Variants in CD58 observed in about 807,000 individuals in gnomAD.
CD58 encodes the protein lymphocyte function-associated antigen 3.
In CD58, 14 loss-of-function variants were observed where a neutral mutation model predicts 27.6. The ratio of observed to expected loss-of-function variants is 0.51; its 90% CI spans 0.34 to 0.79. CD58 has a LOEUF of 0.79. Among genes scored for constraint, CD58 ranks in the 30% least tolerant of loss-of-function variants. CD58 has a pLI of 0.02. For synonymous variants in CD58, 117 were observed against 103.8 expected (o/e 1.13, Z -0.77); for missense variants, 268 against 301.7 (o/e 0.89, Z 0.83).
At position 116,536,667 on chromosome 1, in the gene CD58, TG is replaced by T. The variant is rs1571069894; in HGVS notation, c.365-440del. 6.6e-6 allele frequency among the ~76,000 whole-genome samples: 1 copy of T among 152,204 alleles called. No homozygotes were observed. Among genetic ancestry groups the T allele is most frequent in the African/African-American group, 2.4e-5 (1 of 41,450 alleles). On this transcript the variant is annotated intron_variant, in intron 2 of 5. Transcript: ENST00000369489. This position sits in a 1 kb window ranked among gnomAD's most constrained non-coding sequence, Gnocchi z 5.4. Reference sequence around the variant, plus strand: ...CTTCTCCTTCGCCTTCTGCCATGATTGTAAGTTTCCCGAGGCCTCCCCAGCC... The same window carrying T: ...CTTCTCCTTCGCCTTCTGCCATGATTTAAGTTTCCCGAGGCCTCCCCAGCC...
Position 116,527,868 on chromosome 1 carries a change from T to G in CD58, c.629-5885A>C, listed in dbSNP as rs913950674. Among the ~76,000 whole-genome samples, 1 of 152,312 alleles carries G rather than the reference T, an allele frequency of 6.6e-6. No homozygotes were observed. The highest frequency in any genetic ancestry group is 1.5e-5 in the Non-Finnish European group (1 of 68,032). ...TATTTAAACTGCCAGGCTGAAGTGA[T>G]CCTCCCACCTCAGTCTCCCAAGTAG... On this transcript the variant is annotated intron_variant, in intron 3 of 5. Coordinates refer to ENST00000369489, the MANE Select transcript of CD58 (RefSeq NM_001779.3). This position sits in a 1 kb window ranked among gnomAD's most constrained non-coding sequence, Gnocchi z 4.4.
chr1:116,532,909 G>C lies in CD58; in HGVS notation c.628+3056C>G. 3.0e-6 allele frequency: 3 copies of C among 1,010,052 alleles called. No individual in the cohort carries two copies. Among genetic ancestry groups the C allele is most frequent in the Non-Finnish European group, 4.4e-6 (3 of 675,006 alleles). The allele number at this position is 1,010,052 out of a possible 1,614,324, so 62.6% of individuals were successfully genotyped here. Reference sequence around the variant, plus strand: ...CTACAGGCCCGGAGTCGCGACAGCCGGTCTGCCAGGCGCCCACCTCCACTT... The same window carrying C: ...CTACAGGCCCGGAGTCGCGACAGCCCGTCTGCCAGGCGCCCACCTCCACTT... On this transcript the variant is annotated intron_variant, in intron 3 of 5. Transcript: ENST00000369489. This position sits in a 1 kb window ranked among gnomAD's most constrained non-coding sequence, Gnocchi z 5.1.
At chr1:116,553,019 T>C (rs1476484227) in intron 1 of CD58, among the ~76,000 whole-genome samples, 1 of 152,142 alleles carries the variant, frequency 6.6e-6, no homozygotes, top group African/African-American at 2.4e-5. Context: ...TGTTTAATTT[T>C]TGGGCAAATA....
intron 3 of CD58, 31 bp downstream of exon 3, chr1:116,535,934 G>A: frequency 1.9e-6 from 3 of 1,547,464 alleles, no homozygotes; most frequent in Non-Finnish European, 2.6e-6. Flanking sequence ...TGGTCTGAAA[G>A]CCTCCATGAC....
chr1:116,533,009 C>T (rs1180531371), intron 3 of CD58: 3 of 742,134 alleles, frequency 4.0e-6, no homozygotes, highest in Non-Finnish European at 7.2e-6. Flanking sequence ...CTCATCTTCT[C>T]CCTCCTCATC....
chr1:116,539,826 C>T (rs980558140), intron 2 of CD58, among the ~76,000 whole-genome samples: 3 of 152,166 alleles, frequency 2.0e-5, no homozygotes, highest in African/African-American at 4.8e-5. Context: ...AACAAATATT[C>T]GTTATACCTC....
Position 116,557,123 on chromosome 1 carries a change from G to C in CD58, c.71-12519C>G, listed in dbSNP as rs1658592873. On this transcript the variant is annotated intron_variant, in intron 1 of 5. Coordinates refer to ENST00000369489, the MANE Select transcript of CD58 (RefSeq NM_001779.3). The surrounding 1 kb of genome is among the most constrained non-coding windows in gnomAD (Gnocchi z 5.2). ...GACTTTCAATAAATATCTGTTGAAT[G>C]AATTAACTAAAATGATTAAAATACA... is the stretch of plus-strand genomic sequence containing the variant. Among the ~76,000 whole-genome samples the C allele has an allele frequency of 6.6e-6, 1 of 152,156 alleles. No homozygotes were observed. The highest frequency in any genetic ancestry group is 1.5e-5 in the Non-Finnish European group (1 of 68,024).
rs1415747925 is a variant in CD58, at chr1:116,522,947, T to A, written c.629-964A>T. Among the ~76,000 whole-genome samples the A allele has an allele frequency of 2.6e-5, 4 of 152,168 alleles. No individual in the cohort carries two copies. Among genetic ancestry groups the A allele is most frequent in the Non-Finnish European group, 5.9e-5 (4 of 68,036 alleles). ...TGCCTTAACCTCTCAGTGCCTCCAT[T>A]TTCTCACAGGGTAACTATACTCGAG... On this transcript the variant is annotated intron_variant, in intron 3 of 5. Coordinates refer to ENST00000369489, the MANE Select transcript of CD58 (RefSeq NM_001779.3). The surrounding 1 kb of genome is among the most constrained non-coding windows in gnomAD (Gnocchi z 4.6).
rs1168205917 is a variant in CD58, at chr1:116,534,533, G to A, written c.628+1432C>T. On this transcript the variant is annotated intron_variant, in intron 3 of 5. Coordinates refer to ENST00000369489, the MANE Select transcript of CD58 (RefSeq NM_001779.3). This position sits in a 1 kb window ranked among gnomAD's most constrained non-coding sequence, Gnocchi z 5.3. ...CCTCCTCCGCTGGGCCGCCGGCGAGGAAGCCGCCCGCAGCGCAGAACAAAG... is the reference window on the plus strand; with the variant it reads ...CCTCCTCCGCTGGGCCGCCGGCGAGAAAGCCGCCCGCAGCGCAGAACAAAG... Among the ~76,000 whole-genome samples, 1 of 152,164 alleles carries A rather than the reference G, an allele frequency of 6.6e-6. No homozygotes were observed. The highest frequency in any genetic ancestry group is 2.4e-5 in the African/African-American group (1 of 41,452).
rs1557831032 is a variant in CD58 at position 116,517,771 on chromosome 1, G to A, written c.743+1460C>T. On this transcript the variant is annotated intron_variant, in intron 5 of 5. Coordinates refer to ENST00000369489, the MANE Select transcript of CD58 (RefSeq NM_001779.3). The surrounding 1 kb of genome is among the most constrained non-coding windows in gnomAD (Gnocchi z 6.5). ...GCATCAATTACTGTCCAGATGAAGAGGCGCCCCAATCCGTAACTCTAGCGT... is the reference window on the plus strand; with the variant it reads ...GCATCAATTACTGTCCAGATGAAGAAGCGCCCCAATCCGTAACTCTAGCGT... Among the ~76,000 whole-genome samples the A allele has an allele frequency of 6.6e-6, 1 of 152,126 alleles. No individual in the cohort carries two copies. The highest frequency in any genetic ancestry group is 2.4e-5 in the African/African-American group (1 of 41,420).
intron 1 of CD58, among the ~76,000 whole-genome samples, chr1:116,549,482 C>A (rs997666277): frequency 1.3e-5 from 2 of 152,062 alleles, no homozygotes; most frequent in African/African-American, 4.8e-5. Flanking sequence ...CACAGCCAGC[C>A]CTTGCAAGGC....
chr1:116,560,346 G>A lies in CD58; in HGVS notation c.70+10557C>T, dbSNP rs78578385. 5.8e-4 allele frequency among the ~76,000 whole-genome samples: 88 copies of A among 152,084 alleles called. 1 individual carries two copies. The highest frequency in any genetic ancestry group is 6.8e-3 in the Middle Eastern group (2 of 292). On this transcript the variant is annotated intron_variant, in intron 1 of 5. Coordinates refer to ENST00000369489, the MANE Select transcript of CD58 (RefSeq NM_001779.3). ...TAGGGAATAAGGTTCTTACTAGATC[G>A]GTTAAGGCTGTGAGTGTTTTTAAAT...
At position 116,531,424 on chromosome 1, in the gene CD58, C is replaced by T. The variant is rs1657601160; in HGVS notation, c.628+4541G>A. Among the ~76,000 whole-genome samples, 1 of 152,238 alleles carries T rather than the reference C, an allele frequency of 6.6e-6. No homozygotes were observed. Among genetic ancestry groups the T allele is most frequent in the African/African-American group, 2.4e-5 (1 of 41,458 alleles). On this transcript the variant is annotated intron_variant, in intron 3 of 5. Transcript: ENST00000369489. The surrounding 1 kb of genome is among the most constrained non-coding windows in gnomAD (Gnocchi z 4.5). ...CTTCCCCCTTGTCAGTTAGATGCAG[C>T]ACACATATACCAAAAGGCAAAAGCA...
rs973015845 is a variant in CD58 at position 116,527,811 on chromosome 1, GT to G, written c.629-5829del. Among the ~76,000 whole-genome samples the G allele has an allele frequency of 5.9e-5, 9 of 152,152 alleles. No homozygotes were observed. Among genetic ancestry groups the G allele is most frequent in the African/African-American group, 2.2e-4 (9 of 41,414 alleles). ...AACCCATCTGAACCTGGTGCTTTCT[GT>G]TTTGGAAGATTATTAATTACTGATC... On this transcript the variant is annotated intron_variant, in intron 3 of 5. Coordinates refer to ENST00000369489, the MANE Select transcript of CD58 (RefSeq NM_001779.3). This position sits in a 1 kb window ranked among gnomAD's most constrained non-coding sequence, Gnocchi z 4.4.
rs958400494 is a variant in CD58, at chr1:116,552,381, A to G, written c.71-7777T>C. 1.3e-5 allele frequency among the ~76,000 whole-genome samples: 2 copies of G among 152,256 alleles called. No homozygotes were observed. Among genetic ancestry groups the G allele is most frequent in the Admixed American group, 6.5e-5 (1 of 15,288 alleles). ...ACAGATCACCATAACAGATATGATA[A>G]TGAAAAAGCGTTAAATATTGTGGGA... On this transcript the variant is annotated intron_variant, in intron 1 of 5. Coordinates refer to ENST00000369489, the MANE Select transcript of CD58 (RefSeq NM_001779.3). This position sits in a 1 kb window ranked among gnomAD's most constrained non-coding sequence, Gnocchi z 4.5.
chr1:116,543,422 G>T (rs1658056925), intron 2 of CD58, among the ~76,000 whole-genome samples: 1 of 152,054 alleles, frequency 6.6e-6, no homozygotes, highest in African/African-American at 2.4e-5. Flanking sequence ...AATATTGAAA[G>T]AATTTTAATT....
At position 116,557,720 on chromosome 1, in the gene CD58, T is replaced by TTG; in HGVS notation, c.71-13118_71-13117dup. ...ACAGGGTCTCATTCTGTCACCCAGG[T>TTG]TGGTGTGCAGTGGTGCAATCGTGGC... is the stretch of plus-strand genomic sequence containing the variant. On this transcript the variant is annotated intron_variant, in intron 1 of 5. Coordinates refer to ENST00000369489, the MANE Select transcript of CD58 (RefSeq NM_001779.3). This position sits in a 1 kb window ranked among gnomAD's most constrained non-coding sequence, Gnocchi z 5.2. Among the ~76,000 whole-genome samples, 1 of 151,924 alleles carries TTG rather than the reference T, an allele frequency of 6.6e-6. No homozygotes were observed. The highest frequency in any genetic ancestry group is 2.1e-4 in the South Asian group (1 of 4,790).
intron 1 of CD58, among the ~76,000 whole-genome samples, chr1:116,554,820 G>A (rs1196329401): frequency 6.6e-6 from 1 of 152,024 alleles, no homozygotes; most frequent in Non-Finnish European, 1.5e-5. Flanking sequence ...CCAAGAGGAG[G>A]AGTTGTTAAG....
chr1:116,563,429 A>C lies in CD58; in HGVS notation c.70+7474T>G, dbSNP rs996463744. The stretch of plus-strand genomic sequence containing the variant: ...TCACAGCTCCACTAGGCGGTGCCCC[A>C]GTGGGGACTCTGTGTGGGGGCTCCA... On this transcript the variant is annotated intron_variant, in intron 1 of 5. Transcript: ENST00000369489. The surrounding 1 kb of genome is among the most constrained non-coding windows in gnomAD (Gnocchi z 4.1). Among the ~76,000 whole-genome samples the C allele has an allele frequency of 6.6e-6, 1 of 152,068 alleles. No individual in the cohort carries two copies. The highest frequency in any genetic ancestry group is 2.4e-5 in the African/African-American group (1 of 41,418).
Sources: gnomAD v4.1 joint callset for allele counts (sites outside exome capture counted in the v4.1 genomes callset) on GRCh38, gnomAD v4.1.1 for gene constraint, Gnocchi (gnomAD v3.1) non-coding constraint, MANE v1.5 for transcripts, NCBI Gene and HGNC (gene_info 2026-07-23, HGNC 2026-07-21) for gene names.